Variants in NKAIN2 observed in about 807,000 individuals in gnomAD.
NKAIN2 encodes sodium/potassium transporting ATPase interacting 2, also known as sodium/potassium-transporting ATPase subunit beta-1-interacting protein 2.
Under a neutral mutation model 32.6 loss-of-function variants are expected in NKAIN2, and 14 were observed. That is an observed-to-expected ratio of 0.43 (90% CI 0.28 to 0.67). The LOEUF is 0.67. NKAIN2 is among the 30% of genes least tolerant of loss of function. NKAIN2 has a pLI of 0.17. For missense variants in NKAIN2, 198 were observed against 258.3 expected, an observed-to-expected ratio of 0.77 and a Z score of 1.60; for synonymous variants, 80 against 87.2, an observed-to-expected ratio of 0.92 and a Z score of 0.46.
At chr6:123,908,090 A>C (rs536657996) in intron 1 of NKAIN2, among the ~76,000 whole-genome samples, 1 of 152,178 alleles carries the variant, frequency 6.6e-6, no homozygotes, top group South Asian at 2.1e-4. Context: ...TAGCTTAGTC[A>C]GGAGAAAGAG....
chr6:123,977,263 A>G (rs1778686603), intron 1 of NKAIN2, among the ~76,000 whole-genome samples: 2 of 152,192 alleles, frequency 1.3e-5, no homozygotes, highest in South Asian at 4.1e-4. Context: ...TAGTGATTTA[A>G]AAATTTAAAA....
At position 124,673,915 on chromosome 6, in the gene NKAIN2, C is replaced by T. The variant is rs557602995; in HGVS notation, c.474+15529C>T. On this transcript the variant is annotated intron_variant, in intron 4 of 6. Transcript: ENST00000368417. ...CTAACTTGTCTATTTTTTGTGGTTGCTTGTGCTTTTTATTTCATATCAAAG... is the reference window on the plus strand; with the variant it reads ...CTAACTTGTCTATTTTTTGTGGTTGTTTGTGCTTTTTATTTCATATCAAAG... 4.6e-5 allele frequency among the ~76,000 whole-genome samples: 7 copies of T among 151,840 alleles called. No individual in the cohort carries two copies. The South Asian group carries it at 1.5e-3, about 32-fold the overall frequency.
At chr6:123,853,096 C>T (rs1332052936) in intron 1 of NKAIN2, among the ~76,000 whole-genome samples, 3 of 152,070 alleles carry the variant, frequency 2.0e-5, no homozygotes, top group African/African-American at 7.2e-5. Context: ...TACTGTGTGC[C>T]ACAGAGTACA....
At chr6:124,407,111 C>G (rs1046380148) in intron 3 of NKAIN2, among the ~76,000 whole-genome samples, 5 of 151,978 alleles carry the variant, frequency 3.3e-5, no homozygotes, top group African/African-American at 1.2e-4. Context: ...ATACCAAACT[C>G]CAGGTCACAA....
chr6:124,558,034 T>A lies in NKAIN2; in HGVS notation c.274-100152T>A, dbSNP rs546417191. ...GCTTTTTAGATCAAACAAAAGAGAG[T>A]GTGTTATGTTTTGCACTTTAAAATC... On this transcript the variant is annotated intron_variant, in intron 3 of 6. Transcript: ENST00000368417. Among the ~76,000 whole-genome samples the A allele has an allele frequency of 2.0e-5, 3 of 152,084 alleles. No homozygotes were observed. In the East Asian group the frequency reaches 5.8e-4, roughly 29 times the overall value.
At chr6:124,231,235 G>A (rs1260629819) in intron 1 of NKAIN2, among the ~76,000 whole-genome samples, 1 of 152,196 alleles carries the variant, frequency 6.6e-6, no homozygotes, top group Non-Finnish European at 1.5e-5. Context: ...TGGAATGGGT[G>A]TATTTACCCA....
intron 3 of NKAIN2, among the ~76,000 whole-genome samples, chr6:124,597,549 A>G (rs1267361411): frequency 2.0e-5 from 3 of 152,112 alleles, no homozygotes; most frequent in Non-Finnish European, 4.4e-5. Flanking sequence ...GACACACTAT[A>G]TATGAAAAAT....
chr6:124,130,127 C>T (rs948566413), intron 1 of NKAIN2, among the ~76,000 whole-genome samples: 11 of 152,010 alleles, frequency 7.2e-5, no homozygotes, highest in Non-Finnish European at 1.0e-4. Context: ...AAAGTAGCTG[C>T]GGTTAGGATA....
chr6:124,155,356 A>G (rs892626469), intron 1 of NKAIN2, among the ~76,000 whole-genome samples: 1 of 152,138 alleles, frequency 6.6e-6, no homozygotes, highest in Non-Finnish European at 1.5e-5. Context: ...CAAGATGGAT[A>G]TGCTAATTGC....
At chr6:123,959,925 A>ATGTGTGTGTGTGTGTGTG (rs6149793) in intron 1 of NKAIN2, among the ~76,000 whole-genome samples, 15 of 141,270 alleles carry the variant, frequency 1.1e-4, no homozygotes, top group Non-Finnish European at 2.3e-4. Context: ...TCTTCCATAT[A>ATGTGTGTGTGTGTGTGTG]TGTGTGTGTG....
chr6:124,357,347 C>T (rs2115154421), intron 3 of NKAIN2, among the ~76,000 whole-genome samples: 1 of 152,160 alleles, frequency 6.6e-6, no homozygotes, highest in East Asian at 1.9e-4. Context: ...TGTATTTATA[C>T]CATTTAATTC....
chr6:124,121,916 T>G (rs868059537), intron 1 of NKAIN2: 1 of 1,240,068 alleles, frequency 8.1e-7, no homozygotes, highest in Admixed American at 2.3e-5. Flanking sequence ...TTTCTCTTAT[T>G]ATATTGTCCC....
chr6:124,132,694 CA>C (rs1351313089), intron 1 of NKAIN2, among the ~76,000 whole-genome samples: 2 of 152,188 alleles, frequency 1.3e-5, no homozygotes, highest in African/African-American at 4.8e-5. Flanking sequence ...AAGATTCTCA[CA>C]GAATCTACAT....
chr6:124,566,009 GA>G (rs1232667394), intron 3 of NKAIN2, among the ~76,000 whole-genome samples: 1 of 152,130 alleles, frequency 6.6e-6, no homozygotes, highest in African/African-American at 2.4e-5. Context: ...ACAGATAATG[GA>G]AGACTTAGTG....
At chr6:124,223,012 G>A (rs1449573046) in intron 1 of NKAIN2, among the ~76,000 whole-genome samples, 6 of 152,122 alleles carry the variant, frequency 3.9e-5, no homozygotes, top group Middle Eastern at 3.4e-3. Context: ...AGGAGTTCAA[G>A]ACCAGCCTGG....
chr6:124,449,342 T>C (rs1368236479), intron 3 of NKAIN2, among the ~76,000 whole-genome samples: 1 of 152,048 alleles, frequency 6.6e-6, no homozygotes, highest in Admixed American at 6.6e-5. Context: ...TAAATAGGAA[T>C]GGACAGGCAT....
chr6:124,114,468 A>G (rs1283731938), intron 1 of NKAIN2, among the ~76,000 whole-genome samples: 4 of 152,090 alleles, frequency 2.6e-5, no homozygotes, highest in Non-Finnish European at 4.4e-5. Flanking sequence ...AAGTTCAAGT[A>G]GAGATGTCAA....
chr6:124,292,451 C>T (rs1213920505), intron 2 of NKAIN2, among the ~76,000 whole-genome samples: 1 of 151,954 alleles, frequency 6.6e-6, no homozygotes, highest in Non-Finnish European at 1.5e-5. Context: ...CTTTTTGAAC[C>T]AAAAGTGTAA....
intron 6 of NKAIN2, 69 bp downstream of exon 6, chr6:124,818,537 A>C (rs1296214385): frequency 1.6e-6 from 1 of 635,784 alleles, no homozygotes; most frequent in Non-Finnish European, 2.8e-6. Context: ...ATCACGATAC[A>C]AAATTGATGG....
Sources: gnomAD v4.1 joint callset for allele counts (sites outside exome capture counted in the v4.1 genomes callset) on GRCh38, gnomAD v4.1.1 for gene constraint, MANE v1.5 for transcripts, NCBI Gene and HGNC (gene_info 2026-07-23, HGNC 2026-07-21) for gene names.